Variants in ADGRL2 observed in about 807,000 individuals in gnomAD.
The protein encoded by ADGRL2 is calcium-independent alpha-latrotoxin receptor 2.
In ADGRL2, 44 loss-of-function variants were observed where a neutral mutation model predicts 157.4. The observed-to-expected ratio is 0.28, with a 90% confidence interval of 0.22 to 0.36. The LOEUF (loss-of-function observed/expected upper bound fraction) is 0.36. Ranked by LOEUF, ADGRL2 falls within the 10% of genes least tolerant of loss-of-function variation. The pLI is 1.00. For missense variants in ADGRL2, 1,510 were observed against 1,768.9 expected (o/e 0.85, Z 2.63); for synonymous variants, 585 against 624.7 (o/e 0.94, Z 0.95).
intron 2 of ADGRL2, among the ~76,000 whole-genome samples, chr1:81,787,101 T>C (rs1045728622): frequency 6.6e-6 from 1 of 152,116 alleles, no homozygotes; most frequent in Non-Finnish European, 1.5e-5. Context: ...GCCACCACCA[T>C]GTAAGAAGTG....
chr1:81,952,795 A>G (rs1000887330), intron 9 of ADGRL2, among the ~76,000 whole-genome samples, 192 bp from the exon 10 acceptor site: 9 of 152,126 alleles, frequency 5.9e-5, no homozygotes, highest in African/African-American at 2.2e-4. Context: ...TTAGATTAGT[A>G]TACTTCATAA....
intron 2 of ADGRL2, among the ~76,000 whole-genome samples, chr1:81,453,269 T>G (rs981255464): frequency 3.9e-5 from 6 of 152,186 alleles, no homozygotes; most frequent in Non-Finnish European, 7.3e-5. Context: ...AAACTTAATA[T>G]GCAATAGCAT....
chr1:81,839,137 C>T (rs2092428128), intron 2 of ADGRL2, among the ~76,000 whole-genome samples: 1 of 152,020 alleles, frequency 6.6e-6, no homozygotes, highest in Non-Finnish European at 1.5e-5. Flanking sequence ...ATTTAACCTT[C>T]AGCTATTGAG....
intron 1 of ADGRL2, among the ~76,000 whole-genome samples, chr1:81,439,996 T>C (rs1322907139): frequency 1.3e-5 from 2 of 152,242 alleles, no homozygotes; most frequent in Non-Finnish European, 2.9e-5. Flanking sequence ...CAACTGAGTC[T>C]GTGGTCTTTA....
intron 2 of ADGRL2, among the ~76,000 whole-genome samples, chr1:81,864,449 G>A (rs1266308800): frequency 6.6e-6 from 1 of 152,064 alleles, no homozygotes; most frequent in Non-Finnish European, 1.5e-5. Flanking sequence ...TTACTGACAT[G>A]TCCAGAATAT....
intron 1 of ADGRL2, among the ~76,000 whole-genome samples, chr1:81,336,157 C>T (rs1490726747): frequency 6.6e-6 from 1 of 152,198 alleles, no homozygotes; most frequent in Non-Finnish European, 1.5e-5. Flanking sequence ...CTCTACTATG[C>T]CAGCCTGCCA....
At chr1:81,894,175 A>G (rs1437366023) in intron 2 of ADGRL2, among the ~76,000 whole-genome samples, 2 of 152,158 alleles carry the variant, frequency 1.3e-5, no homozygotes, top group Non-Finnish European at 2.9e-5. Flanking sequence ...TTATTCCAGC[A>G]TTGTCTAAAG....
At chr1:81,722,471 G>A in intron 1 of ADGRL2, 6 of 1,529,554 alleles carry the variant, frequency 3.9e-6, no homozygotes, top group Non-Finnish European at 5.4e-6. Flanking sequence ...CAGCGTTTTC[G>A]TCAAATTACA....
chr1:81,501,834 C>G, intron 2 of ADGRL2: 1 of 1,495,286 alleles, frequency 6.7e-7, no homozygotes, highest in Admixed American at 1.9e-5. Context: ...CAGAAGCAGC[C>G]ACACCTGGCT....
At chr1:81,360,620 A>G (rs1420144228) in intron 1 of ADGRL2, among the ~76,000 whole-genome samples, 1 of 151,966 alleles carries the variant, frequency 6.6e-6, no homozygotes, top group East Asian at 1.9e-4. Flanking sequence ...CAAGTAAAAT[A>G]TAAATCCCAT....
chr1:81,557,482 G>GAAAGAAGAAAGAAAGAAAGAAGA (rs370696204), intron 2 of ADGRL2: 1 of 119,968 alleles, frequency 8.3e-6, no homozygotes, highest in African/African-American at 3.1e-5. Flanking sequence ...AAGAAAGAAA[G>GAAAGAAGAAAGAAAGAAAGAAGA]AAGAAAGAAA....
intron 2 of ADGRL2, among the ~76,000 whole-genome samples, chr1:81,904,007 T>C (rs2094540530): frequency 1.3e-5 from 2 of 151,934 alleles, no homozygotes; most frequent in Non-Finnish European, 1.5e-5. Flanking sequence ...ATAAGTAGTT[T>C]GCCTTGTTTT....
At chr1:81,550,826 G>GAAA (rs75371906) in intron 2 of ADGRL2, among the ~76,000 whole-genome samples, 1 of 136,886 alleles carries the variant, frequency 7.3e-6, no homozygotes, top group Non-Finnish European at 1.6e-5. Flanking sequence ...CCTCTTTACA[G>GAAA]AAAAAAAAAA....
intron 9 of ADGRL2, among the ~76,000 whole-genome samples, chr1:81,952,685 T>C (rs1014513751): frequency 3.9e-5 from 6 of 152,142 alleles, no homozygotes. Flanking sequence ...ATTAGGTTCA[T>C]AGGAACCCAA....
chr1:81,626,314 A>G (rs927053271), intron 3 of ADGRL2, among the ~76,000 whole-genome samples: 1 of 151,724 alleles, frequency 6.6e-6, no homozygotes, highest in Non-Finnish European at 1.5e-5. Context: ...ATCCCTTTTT[A>G]TTTTTTTTGA....
intron 2 of ADGRL2, among the ~76,000 whole-genome samples, chr1:81,451,364 C>T (rs2077699450): frequency 6.6e-6 from 1 of 152,098 alleles, no homozygotes; most frequent in Admixed American, 6.6e-5. Context: ...TCATTGATCT[C>T]TTTTTGTCTG....
intron 3 of ADGRL2, among the ~76,000 whole-genome samples, chr1:81,631,665 G>A (rs2082013094): frequency 6.6e-6 from 1 of 152,182 alleles, no homozygotes; most frequent in Non-Finnish European, 1.5e-5. Context: ...TCCGCAGTTG[G>A]TTCTAATGTA....
intron 1 of ADGRL2, among the ~76,000 whole-genome samples, chr1:81,750,510 A>G (rs1280697768): frequency 6.6e-6 from 1 of 152,154 alleles, no homozygotes; most frequent in Non-Finnish European, 1.5e-5. Flanking sequence ...CAAGGTCAGG[A>G]TTTCAAGACC....
At chr1:81,909,229 G>GTT (rs200551041) in intron 3 of ADGRL2, among the ~76,000 whole-genome samples, 1 of 150,656 alleles carries the variant, frequency 6.6e-6, no homozygotes. Context: ...AAATTGAGGG[G>GTT]TTTTTTTTTA....
Sources: allele counts gnomAD v4.1 joint callset (sites outside exome capture counted in the v4.1 genomes callset), GRCh38; gene constraint gnomAD v4.1.1; transcripts MANE v1.5; gene names NCBI Gene and HGNC (gene_info 2026-07-23, HGNC 2026-07-21).